The following ZFAT variants were observed in gnomAD, a reference collection of about 807,000 sequenced individuals.
The protein encoded by ZFAT is zinc finger and AT-hook domain containing.
A neutral mutation model predicts 117.7 loss-of-function variants in ZFAT; 64 were observed. The ratio of observed to expected loss-of-function variants is 0.54; its 90% CI spans 0.44 to 0.67. The LOEUF (loss-of-function observed/expected upper bound fraction) is 0.67, where lower values mean the gene tolerates loss of function less well. ZFAT is among the 30% of genes least tolerant of loss of function. ZFAT has a pLI of 0.00. For synonymous variants in ZFAT, 679 were observed against 615.0 expected (o/e 1.10, Z -1.54); for missense variants, 1,433 against 1,584.5 (o/e 0.90, Z 1.62).
rs371270836 is a variant in ZFAT, at chr8:134,637,641, G to A, written c.268C>T (p.Leu90=). 20 of 1,614,058 alleles carry A rather than the reference G, an allele frequency of 1.2e-5. No homozygotes were observed. Among genetic ancestry groups the A allele is most frequent in the Non-Finnish European group, 1.7e-5 (20 of 1,180,050 alleles). Residue 90 remains leucine (L), a synonymous_variant, in exon 3 of 16, where the codon CTG becomes TTG. Coordinates refer to ENST00000377838, the MANE Select transcript of ZFAT (RefSeq NM_020863.4). ...STKKSSTEEE[L]AENIVSPTED... ...GTCGGACTCACGATGTTTTCTGCCA[G>A]CTCCTCTTCTGTGCTGGACTTCTTC...
At chr8:134,719,734 G>A in the ZFAT span, among the ~76,000 whole-genome samples, 1 of 152,306 alleles carries the variant, frequency 6.6e-6, no homozygotes, top group South Asian at 2.1e-4. Context: ...ATCGCTTCCA[G>A]CTGTGAATGT....
In ZFAT at chr8:134,580,051, G is replaced by A. The variant is rs145815831; in HGVS notation, c.2887+3781C>T. Among the ~76,000 whole-genome samples the A allele has an allele frequency of 5.3e-5, 8 of 151,978 alleles. No individual in the cohort carries two copies. The East Asian group carries it at 1.2e-3, about 22-fold the overall frequency. On this transcript the variant is annotated intron_variant, in intron 10 of 15. Transcript: ENST00000377838. ...TAAGGCAGAACCAGGACAGGATGCC[G>A]AGGCAGGGCAGCCAGGAGAGCAGGA...
In ZFAT at chr8:134,478,358, G is replaced by T. The variant is rs1411226536; in HGVS notation, c.*124C>A. ...TGGACTAGGAGAGTCCTATCAGGCT[G>T]CTGGGCAGGGAGGGCAAAGGAGAGC... On this transcript the variant is annotated 3_prime_UTR_variant, in exon 16 of 16. Coordinates refer to ENST00000377838, the MANE Select transcript of ZFAT (RefSeq NM_020863.4). The surrounding 1 kb of genome is among the most constrained non-coding windows in gnomAD (Gnocchi z 5.2). The T allele has an allele frequency of 4.3e-6, 6 of 1,408,402 alleles. No homozygotes were observed. The South Asian group carries it at 5.7e-5, about 13-fold the overall frequency. 87.2% of individuals were successfully genotyped at this position (1,408,402 alleles called of 1,614,324 possible). A position where few individuals can be genotyped will look rare whatever the true frequency, so the allele number is the denominator to read the frequency against.
At chr8:134,761,590 C>T in the ZFAT span, among the ~76,000 whole-genome samples, 2 of 151,804 alleles carry the variant, frequency 1.3e-5, no homozygotes, top group African/African-American at 4.8e-5. Context: ...GTCCCAGCTA[C>T]TTGGGAGGCT....
intron 11 of ZFAT, among the ~76,000 whole-genome samples, chr8:134,555,391 C>G (rs1276808860): frequency 6.6e-6 from 1 of 152,224 alleles, no homozygotes; most frequent in Non-Finnish European, 1.5e-5. Context: ...AAAGTGTAAG[C>G]TCCTCTTAAC....
At chr8:134,664,086 T>C (rs7813038) in intron 1 of ZFAT, among the ~76,000 whole-genome samples, 52,029 of 151,898 alleles carry the variant, frequency 0.34, 9,389 homozygotes, top group South Asian at 0.43. Flanking sequence ...CAGGAGGTCA[T>C]GGAAGGGGCT....
At chr8:134,742,251 G>A in the ZFAT span, among the ~76,000 whole-genome samples, 1 of 151,802 alleles carries the variant, frequency 6.6e-6, no homozygotes, top group South Asian at 2.1e-4. Flanking sequence ...TGCCATGGTG[G>A]CTTGCTGCAC....
In ZFAT at chr8:134,649,203, C is replaced by CACACACACACACA. The variant is rs35498428; in HGVS notation, c.196+8357_196+8358insTGTGTGTGTGTGT. Among the ~76,000 whole-genome samples the CACACACACACACA allele has an allele frequency of 1.3e-3, 186 of 143,868 alleles. 1 individual carries two copies. Among genetic ancestry groups the CACACACACACACA allele is most frequent in the African/African-American group, 4.5e-3 (171 of 37,844 alleles). 94.4% of individuals were successfully genotyped at this position (143,868 alleles called of 152,430 possible). A position where few individuals can be genotyped will look rare whatever the true frequency, so the allele number is the denominator to read the frequency against. On this transcript the variant is annotated intron_variant, in intron 2 of 15. Coordinates refer to ENST00000377838, the MANE Select transcript of ZFAT (RefSeq NM_020863.4). ...CACACACACACACACACACACACAC[C>CACACACACACACA]CCATCATACTTAATGGTAAAAGACT...
At chr8:134,516,295 G>A (rs1044695964) in intron 13 of ZFAT, among the ~76,000 whole-genome samples, 16 of 152,132 alleles carry the variant, frequency 1.1e-4, no homozygotes, top group Non-Finnish European at 2.1e-4. Context: ...TGCAAAGAAT[G>A]CTTCATGGGT....
chr8:134,496,471 C>G (rs562208573), intron 15 of ZFAT, among the ~76,000 whole-genome samples: 1 of 152,342 alleles, frequency 6.6e-6, no homozygotes, highest in African/African-American at 2.4e-5. Flanking sequence ...TCCCAGAGGC[C>G]TGCAGCTCCT....
chr8:134,659,292 C>A (rs1831812086), intron 1 of ZFAT, among the ~76,000 whole-genome samples: 1 of 152,210 alleles, frequency 6.6e-6, no homozygotes, highest in Admixed American at 6.5e-5. Context: ...GCGTCTTCAG[C>A]TGTCTCCCCA....
At chr8:134,498,036 C>T (rs1195539043) in intron 15 of ZFAT, among the ~76,000 whole-genome samples, 177 of 94,490 alleles carry the variant, frequency 1.9e-3, no homozygotes, top group African/African-American at 6.7e-3. Flanking sequence ...GGGGTGGAGC[C>T]GTGATGCCCC....
intron 13 of ZFAT, among the ~76,000 whole-genome samples, chr8:134,513,606 G>A (rs748997203): frequency 1.3e-5 from 2 of 152,210 alleles, no homozygotes; most frequent in East Asian, 3.8e-4. Context: ...CTCAAAGAGA[G>A]AAGAGGTGGA....
chr8:134,694,973 G>C (rs949677443), intron 1 of ZFAT, among the ~76,000 whole-genome samples: 1 of 151,774 alleles, frequency 6.6e-6, no homozygotes, highest in Non-Finnish European at 1.5e-5. Flanking sequence ...CTCCACATTG[G>C]AAAAAAAACA....
the ZFAT span, chr8:134,783,624 T>C: frequency 6.6e-6 from 1 of 152,198 alleles, no homozygotes; most frequent in Non-Finnish European, 1.5e-5. Context: ...TAAAAAACAG[T>C]TCTTTAAACA....
At chr8:134,673,725 A>C in intron 1 of ZFAT, among the ~76,000 whole-genome samples, 1 of 131,378 alleles carries the variant, frequency 7.6e-6, no homozygotes, top group African/African-American at 2.8e-5. Flanking sequence ...TTTTAGCTCT[A>C]CTTACTGATT....
At chr8:134,720,053 C>T in the ZFAT span, among the ~76,000 whole-genome samples, 48 of 152,328 alleles carry the variant, frequency 3.2e-4, 1 homozygote, top group African/African-American at 1.0e-3. Context: ...TTTGGAACGC[C>T]GCCTCTGGAA....
At chr8:134,779,484 T>C in the ZFAT span, among the ~76,000 whole-genome samples, 1 of 152,180 alleles carries the variant, frequency 6.6e-6, no homozygotes, top group Non-Finnish European at 1.5e-5. Context: ...TTAGTGGGAA[T>C]TCACCGTCTA....
intron 5 of ZFAT, among the ~76,000 whole-genome samples, chr8:134,604,157 T>C (rs1050218009): frequency 6.6e-6 from 1 of 152,144 alleles, no homozygotes; most frequent in African/African-American, 2.4e-5. Context: ...AATTATTGAG[T>C]ATGTGTAGTA....
Sources: gnomAD v4.1 joint callset for allele counts (sites outside exome capture counted in the v4.1 genomes callset) on GRCh38, gnomAD v4.1.1 for gene constraint, Gnocchi (gnomAD v3.1) non-coding constraint, MANE v1.5 for transcripts, NCBI Gene and HGNC (gene_info 2026-07-23, HGNC 2026-07-21) for gene names.